The following FRMD5 variants were observed in gnomAD, a reference collection of about 807,000 sequenced individuals.
The protein encoded by FRMD5 is FERM domain containing 5.
A neutral mutation model predicts 69.0 loss-of-function variants in FRMD5; 20 were observed. That is an observed-to-expected ratio of 0.29 (90% CI 0.20 to 0.42). The LOEUF (loss-of-function observed/expected upper bound fraction) is 0.42. FRMD5 is among the 10% of genes least tolerant of loss of function. FRMD5 has a pLI of 1.00. For missense variants in FRMD5, 595 were observed against 708.6 expected, an observed-to-expected ratio of 0.84 and a Z score of 1.82; for synonymous variants, 271 against 260.1, an observed-to-expected ratio of 1.04 and a Z score of -0.40.
At chr15:43,983,574 G>A (rs2140630188) in intron 1 of FRMD5, among the ~76,000 whole-genome samples, 1 of 152,290 alleles carries the variant, frequency 6.6e-6, no homozygotes, top group East Asian at 1.9e-4. Context: ...TTTCATTTAA[G>A]AAGTCTGACA....
Position 44,097,738 on chromosome 15 carries a change from A to G in FRMD5, c.102+97215T>C, listed in dbSNP as rs147619703. Among the ~76,000 whole-genome samples the G allele has an allele frequency of 4.9e-3, 751 of 152,332 alleles. 3 individuals carry two copies. The highest frequency in any genetic ancestry group is 0.017 in the African/African-American group (715 of 41,574). On this transcript the variant is annotated intron_variant, in intron 1 of 13. Transcript: ENST00000417257. ...TGCTACTGTGTGCCCAGATGGGTAC[A>G]TAGGACAAATTATGTTTACTCAACT...
At chr15:43,874,925 C>T (rs945174585) in intron 13 of FRMD5, among the ~76,000 whole-genome samples, 2 of 148,058 alleles carry the variant, frequency 1.4e-5, no homozygotes, top group African/African-American at 2.5e-5. Context: ...AAAGGCTGGG[C>T]GTGGTGCCTC....
chr15:44,088,949 C>T (rs188415466), intron 1 of FRMD5, among the ~76,000 whole-genome samples: 4 of 152,250 alleles, frequency 2.6e-5, no homozygotes, highest in Admixed American at 2.6e-4. Flanking sequence ...TCTCCTGACC[C>T]AGTCAAAGTG....
At chr15:44,195,342 G>T (rs552548518), upstream of FRMD5, 2 of 467,258 alleles carry the variant, frequency 4.3e-6, no homozygotes, top group Non-Finnish European at 7.6e-6. Context: ...GCCAATGGGG[G>T]TCAGCGCGGC....
chr15:43,884,851 G>T, intron 11 of FRMD5, 56 bp from the exon 12 acceptor site: 1 of 1,441,828 alleles, frequency 6.9e-7, no homozygotes, highest in Non-Finnish European at 9.8e-7. Context: ...TTGTAGGACA[G>T]CTCCTCTCCA....
rs574170134 is a variant in FRMD5, at chr15:44,174,892, C to T, written c.102+20061G>A. On this transcript the variant is annotated intron_variant, in intron 1 of 13. Coordinates refer to ENST00000417257, the MANE Select transcript of FRMD5 (RefSeq NM_032892.5). ...GACACAGGGAGGGAACATCACACAC[C>T]GGGGCCTGTTGGGGGGTTGGGAGGA... 3.3e-5 allele frequency among the ~76,000 whole-genome samples: 5 copies of T among 152,000 alleles called. No individual in the cohort carries two copies. In the South Asian group the frequency reaches 1.0e-3, roughly 32 times the overall value.
At chr15:44,107,295 C>A (rs942414694) in intron 1 of FRMD5, among the ~76,000 whole-genome samples, 2 of 152,284 alleles carry the variant, frequency 1.3e-5, no homozygotes, top group Middle Eastern at 6.8e-3. Flanking sequence ...GTAGTATAAA[C>A]ATCACCAGTC....
chr15:44,075,129 CATA>C lies in FRMD5; in HGVS notation c.102+119821_102+119823del, dbSNP rs1219898704. Reference sequence around the variant, plus strand: ...AGAACATGTTTGCTTCTTCATTCCACATAATAAATTTCTTTTTAAAAAATCACA... The same window carrying C: ...AGAACATGTTTGCTTCTTCATTCCACATAAATTTCTTTTTAAAAAATCACA... On this transcript the variant is annotated intron_variant, in intron 1 of 13. Coordinates refer to ENST00000417257, the MANE Select transcript of FRMD5 (RefSeq NM_032892.5). Among the ~76,000 whole-genome samples the C allele has an allele frequency of 2.0e-5, 3 of 152,166 alleles. No homozygotes were observed. In the East Asian group the frequency reaches 5.8e-4, roughly 29 times the overall value.
At position 43,924,444 on chromosome 15, in the gene FRMD5, C is replaced by T. The variant is rs1377009968; in HGVS notation, c.103-135G>A. The T allele has an allele frequency of 9.3e-6, 6 of 641,812 alleles. No individual in the cohort carries two copies. The Admixed American group carries it at 1.4e-4, about 15-fold the overall frequency. The allele number at this position is 641,812 out of a possible 1,614,324, so 39.8% of individuals were successfully genotyped here. On this transcript the variant is annotated intron_variant, in intron 1 of 13. Coordinates refer to ENST00000417257, the MANE Select transcript of FRMD5 (RefSeq NM_032892.5). The stretch of plus-strand genomic sequence containing the variant: ...AGGGGTGAATGTCCATAACTATGTC[C>T]TCCACATTGTGATACATCACTCACT...
intron 12 of FRMD5, among the ~76,000 whole-genome samples, chr15:43,884,293 T>G (rs905772795): frequency 6.6e-6 from 1 of 152,168 alleles, no homozygotes; most frequent in South Asian, 2.1e-4. Context: ...GGTCTTAGAT[T>G]CTAGGAGATA....
At chr15:43,914,820 G>A (rs1333683644) in intron 4 of FRMD5, among the ~76,000 whole-genome samples, 1 of 147,410 alleles carries the variant, frequency 6.8e-6, no homozygotes, top group Non-Finnish European at 1.5e-5. Context: ...CCACCTCCCG[G>A]GTTCAAGTGA....
chr15:43,883,599 C>T, intron 13 of FRMD5, 104 bp downstream of exon 13: 1 of 799,932 alleles, frequency 1.3e-6, no homozygotes. Flanking sequence ...GGCCCTTTTC[C>T]CCAAGAGACA....
intron 1 of FRMD5, among the ~76,000 whole-genome samples, chr15:44,000,658 C>T (rs568433884): frequency 6.6e-6 from 1 of 152,178 alleles, no homozygotes; most frequent in East Asian, 1.9e-4. Context: ...CGGGGTTTTG[C>T]CATGTTGGCC....
At chr15:44,188,059 T>C (rs1224548776) in intron 1 of FRMD5, among the ~76,000 whole-genome samples, 2 of 152,220 alleles carry the variant, frequency 1.3e-5, no homozygotes, top group African/African-American at 2.4e-5. Flanking sequence ...AATCCCTAAG[T>C]TGTAAGCCCT....
At chr15:44,110,204 G>T (rs1411031940) in intron 1 of FRMD5, among the ~76,000 whole-genome samples, 1 of 152,138 alleles carries the variant, frequency 6.6e-6, no homozygotes, top group African/African-American at 2.4e-5. Context: ...TTTTTTTAGA[G>T]ACAGGGTCTT....
chr15:44,003,668 C>T (rs1432453547), intron 1 of FRMD5, among the ~76,000 whole-genome samples: 1 of 152,142 alleles, frequency 6.6e-6, no homozygotes, highest in Non-Finnish European at 1.5e-5. Flanking sequence ...AGTGTTCAAT[C>T]TCACTTCAAC....
At chr15:43,890,526 T>C (rs2088769595) in intron 8 of FRMD5, among the ~76,000 whole-genome samples, 1 of 152,110 alleles carries the variant, frequency 6.6e-6, no homozygotes, top group African/African-American at 2.4e-5. Context: ...CTCTAAAGAA[T>C]ATCAAATAGC....
At chr15:43,968,664 C>T (rs1286304702) in intron 1 of FRMD5, among the ~76,000 whole-genome samples, 1 of 151,968 alleles carries the variant, frequency 6.6e-6, no homozygotes, top group African/African-American at 2.4e-5. Context: ...TATGTATGAA[C>T]GTGTATGGAA....
chr15:44,176,789 T>G (rs755736425), intron 1 of FRMD5, among the ~76,000 whole-genome samples: 4 of 152,098 alleles, frequency 2.6e-5, no homozygotes, highest in Non-Finnish European at 5.9e-5. Context: ...GCTCAACATA[T>G]TTAGTCATTT....
Sources: allele counts gnomAD v4.1 joint callset (sites outside exome capture counted in the v4.1 genomes callset), GRCh38; gene constraint gnomAD v4.1.1; transcripts MANE v1.5; gene names NCBI Gene and HGNC (gene_info 2026-07-23, HGNC 2026-07-21).